Variants in NAXD observed in about 807,000 individuals in gnomAD.
NAXD encodes NAD(P)HX dehydratase, also known as ATP-dependent (S)-NAD(P)H-hydrate dehydratase.
Under a neutral mutation model 35.8 loss-of-function variants are expected in NAXD, and 22 were observed. The observed-to-expected ratio is 0.62, with a 90% confidence interval of 0.44 to 0.88. The LOEUF (loss-of-function observed/expected upper bound fraction) is 0.88. NAXD is among the 40% of genes least tolerant of loss of function. The pLI, the probability that NAXD is intolerant of heterozygous loss-of-function variation, is 0.00. For synonymous variants in NAXD, 189 were observed against 177.6 expected (o/e 1.06, Z -0.51); for missense variants, 428 against 437.7 (o/e 0.98, Z 0.20).
At chr13:110,615,805 C>G in intron 1 of NAXD, 158 bp downstream of exon 1, 2 of 1,298,238 alleles carry the variant, frequency 1.5e-6, no homozygotes, top group South Asian at 4.7e-5. Context: ...TCTGCTGGCT[C>G]GCGGGGGGGA....
intron 8 of NAXD, 40 bp downstream of exon 8, chr13:110,635,628 G>A (rs2139652119): frequency 1.2e-6 from 2 of 1,607,146 alleles, no homozygotes; most frequent in Non-Finnish European, 8.5e-7. Context: ...CCAGTGCCAG[G>A]TCAGTCAGCA....
At chr13:110,634,055 G>C (rs542503414) in intron 5 of NAXD, among the ~76,000 whole-genome samples, 79 of 152,334 alleles carry the variant, frequency 5.2e-4, no homozygotes, top group African/African-American at 1.8e-3. Flanking sequence ...GCCTTTCAGA[G>C]TTCCCAGTGT....
intron 4 of NAXD, 148 bp from the exon 5 acceptor site, chr13:110,627,291 A>G (rs753713825): frequency 1.6e-5 from 10 of 638,588 alleles, no homozygotes; most frequent in African/African-American, 5.5e-5. Flanking sequence ...TTCTGTACTG[A>G]TTAAATAATA....
intron 1 of NAXD, among the ~76,000 whole-genome samples, chr13:110,619,523 A>T (rs1448934379): frequency 6.6e-6 from 1 of 152,224 alleles, no homozygotes; most frequent in East Asian, 1.9e-4. Context: ...CATAAGTCAC[A>T]ATTTATATTT....
At position 110,632,082 on chromosome 13, in the gene NAXD, A is replaced by G. The variant is rs564351135; in HGVS notation, c.442-2463A>G. Among the ~76,000 whole-genome samples, 3 of 139,284 alleles carry G rather than the reference A, an allele frequency of 2.2e-5. No individual in the cohort carries two copies. The East Asian group carries it at 6.4e-4, about 30-fold the overall frequency. 91.4% of individuals were successfully genotyped at this position (139,284 alleles called of 152,430 possible). The stretch of plus-strand genomic sequence containing the variant: ...CGTGGACCCTCGCGGTGAGTGTTAC[A>G]GCTCTTAAGGTGGCGCGTCTGGAGT... On this transcript the variant is annotated intron_variant, in intron 5 of 9. Transcript: ENST00000680254.
intron 2 of NAXD, 136 bp downstream of exon 2, chr13:110,622,502 T>C (rs1886307869): frequency 1.3e-6 from 1 of 799,458 alleles, no homozygotes; most frequent in Non-Finnish European, 1.9e-6. Context: ...CTCAGTATTT[T>C]TCAGTGATCC....
chr13:110,632,582 G>C (rs913203186), intron 5 of NAXD, among the ~76,000 whole-genome samples: 1 of 152,138 alleles, frequency 6.6e-6, no homozygotes, highest in Non-Finnish European at 1.5e-5. Context: ...AGATTAGTTA[G>C]ATACAGAGTT....
At position 110,624,266 on chromosome 13, in the gene NAXD, C is replaced by T; in HGVS notation, c.230C>T (p.Ser77Leu). The T allele has an allele frequency of 6.2e-7, 1 of 1,607,326 alleles. No individual in the cohort carries two copies. Among genetic ancestry groups the T allele is most frequent in the Non-Finnish European group, 8.5e-7 (1 of 1,174,592 alleles). Residue 77 changes from serine (S) to leucine (L), a missense_variant, in exon 3 of 10, where the codon TCA becomes TTA. Ser to Leu is a moderately radical substitution (Grantham distance 145). Coordinates refer to ENST00000680254, the MANE Select transcript of NAXD (RefSeq NM_001242882.2). Reference protein sequence around the residue: ...YTGAPYFAAISALKVGADLSH... With the variant: ...YTGAPYFAAILALKVGADLSH... ...GGAGCCCCATATTTTGCAGCAATCT[C>T]AGCTCTCAAAGTGGTATGTTTACTT... is the stretch of plus-strand genomic sequence containing the variant.
chr13:110,634,887 G>T lies in NAXD; in HGVS notation c.597+111G>T, dbSNP rs1886863711. 5.2e-6 allele frequency: 4 copies of T among 766,266 alleles called. No individual in the cohort carries two copies. In the East Asian group the frequency reaches 1.1e-4, roughly 21 times the overall value. 47.5% of individuals were successfully genotyped at this position (766,266 alleles called of 1,614,324 possible). ...CCTGTCCCTGTGGACACACCTGCAA[G>T]TAATCGCTGTGCCTCTCCCAGCGGA... On this transcript the variant is annotated intron_variant, in intron 7 of 9. Transcript: ENST00000680254.
chr13:110,634,863 C>A, intron 7 of NAXD, 87 bp downstream of exon 7: 1 of 1,010,768 alleles, frequency 9.9e-7, no homozygotes, highest in Non-Finnish European at 1.5e-6. Context: ...TCTGCCCAGC[C>A]TGTCCCTGTG....
Position 110,638,137 on chromosome 13 carries a change from C to G in NAXD, c.840-241C>G. ...ACCTGGCCCACTGTGTGCCCTAGCC[C>G]TGGACCTGTCTCCGAGTACATAGAC... is the stretch of plus-strand genomic sequence containing the variant. On this transcript the variant is annotated intron_variant, in intron 9 of 9. Coordinates refer to ENST00000680254, the MANE Select transcript of NAXD (RefSeq NM_001242882.2). The surrounding 1 kb of genome is among the most constrained non-coding windows in gnomAD (Gnocchi z 5.4). 8.5e-7 allele frequency: 1 copy of G among 1,180,874 alleles called. No homozygotes were observed. Among genetic ancestry groups the G allele is most frequent in the Non-Finnish European group, 1.2e-6 (1 of 829,394 alleles). The allele number at this position is 1,180,874 out of a possible 1,614,324, so 73.1% of individuals were successfully genotyped here. A position where few individuals can be genotyped will look rare whatever the true frequency, so the allele number is the denominator to read the frequency against.
Position 110,634,661 on chromosome 13 carries a change from G to A in NAXD, c.493-11G>A. On this transcript the variant is annotated splice_polypyrimidine_tract_variant and intron_variant, in intron 6 of 9. Transcript: ENST00000680254. ...GCCTGTGCAGTGAGCACGGCTCCTTGTTCTGTGCAGGATGGCCTGTGGCTG... is the reference window on the plus strand; with the variant it reads ...GCCTGTGCAGTGAGCACGGCTCCTTATTCTGTGCAGGATGGCCTGTGGCTG... 2 of 1,614,190 alleles carry A rather than the reference G, an allele frequency of 1.2e-6. No individual in the cohort carries two copies. The highest frequency in any genetic ancestry group is 1.1e-5 in the South Asian group (1 of 91,082).
intron 1 of NAXD, 97 bp from the exon 2 acceptor site, chr13:110,622,119 C>A: frequency 1.0e-6 from 1 of 955,796 alleles, no homozygotes; most frequent in Non-Finnish European, 1.5e-6. Context: ...CTATAGCATT[C>A]GTAATAACTT....
intron 9 of NAXD, chr13:110,637,660 G>A: frequency 2.4e-6 from 1 of 413,796 alleles, no homozygotes; most frequent in Non-Finnish European, 4.8e-6. Context: ...AGAATTCTAG[G>A]ACCAGGGCCC....
intron 5 of NAXD, among the ~76,000 whole-genome samples, chr13:110,627,928 T>G (rs913428947): frequency 6.6e-6 from 1 of 152,160 alleles, no homozygotes; most frequent in African/African-American, 2.4e-5. Context: ...TCCCTCAGCC[T>G]CCTGGGCCGT....
chr13:110,632,710 G>A (rs1566620397), intron 5 of NAXD, among the ~76,000 whole-genome samples: 1 of 151,982 alleles, frequency 6.6e-6, no homozygotes, highest in Non-Finnish European at 1.5e-5. Flanking sequence ...CAAACCTTGA[G>A]CTAGATACAG....
intron 1 of NAXD, among the ~76,000 whole-genome samples, chr13:110,617,863 G>A (rs1328425773): frequency 1.3e-5 from 2 of 152,178 alleles, no homozygotes; most frequent in African/African-American, 4.8e-5. Flanking sequence ...AGTGAATCAC[G>A]ATGTCTTGAC....
rs1887117719 is a variant in NAXD, at chr13:110,639,976, G to T, written c.*1448G>T. ...ATCTAAATTCTGGTAACTATTAAAA[G>T]ACAGATCTGGTTAATTTAAATTGAG... On this transcript the variant is annotated 3_prime_UTR_variant, in exon 10 of 10. Coordinates refer to ENST00000680254, the MANE Select transcript of NAXD (RefSeq NM_001242882.2). The T allele has an allele frequency of 6.6e-6, 1 of 152,224 alleles. No individual in the cohort carries two copies. Among genetic ancestry groups the T allele is most frequent in the African/African-American group, 2.4e-5 (1 of 41,470 alleles). The allele number at this position is 152,224 out of a possible 1,614,324, so 9.4% of individuals were successfully genotyped here.
chr13:110,625,128 C>A, intron 3 of NAXD, 62 bp from the exon 4 acceptor site: 1 of 1,244,340 alleles, frequency 8.0e-7, no homozygotes. Flanking sequence ...ACGCCTGTGT[C>A]TGGCGGGTGG....
Sources: gnomAD v4.1 joint callset for allele counts (sites outside exome capture counted in the v4.1 genomes callset) on GRCh38, gnomAD v4.1.1 for gene constraint, Gnocchi (gnomAD v3.1) non-coding constraint, MANE v1.5 for transcripts, NCBI Gene and HGNC (gene_info 2026-07-23, HGNC 2026-07-21) for gene names.